Variants in NTM observed in about 807,000 individuals in gnomAD.
The protein encoded by NTM is IgLON family member 2.
A neutral mutation model predicts 42.1 loss-of-function variants in NTM; 13 were observed. The ratio of observed to expected loss-of-function variants is 0.31; its 90% CI spans 0.20 to 0.49. NTM has a LOEUF of 0.49. Ranked by LOEUF, NTM falls within the 20% of genes least tolerant of loss-of-function variation. NTM has a pLI of 0.99. For synonymous variants in NTM, 187 were observed against 179.2 expected, an observed-to-expected ratio of 1.04 and a Z score of -0.35; for missense variants, 373 against 452.8, an observed-to-expected ratio of 0.82 and a Z score of 1.60.
intron 1 of NTM, among the ~76,000 whole-genome samples, chr11:131,772,396 A>C (rs546366914): frequency 6.6e-6 from 1 of 152,306 alleles, no homozygotes; most frequent in South Asian, 2.1e-4. Context: ...GCCTTTAATC[A>C]AAAAGGAGAT....
At chr11:132,314,090 G>GA (rs2095358585) in intron 6 of NTM, among the ~76,000 whole-genome samples, 1 of 152,154 alleles carries the variant, frequency 6.6e-6, no homozygotes, top group African/African-American at 2.4e-5. Flanking sequence ...CCAGGTGCTC[G>GA]AAAAACATTT....
At chr11:131,517,477 T>C (rs1247596355) in intron 1 of NTM, among the ~76,000 whole-genome samples, 1 of 152,050 alleles carries the variant, frequency 6.6e-6, no homozygotes, top group Non-Finnish European at 1.5e-5. Context: ...GGCTGGAAAA[T>C]GGGGGAGTAG....
intron 2 of NTM, among the ~76,000 whole-genome samples, chr11:132,045,201 AT>A (rs2077818674): frequency 6.6e-6 from 1 of 152,172 alleles, no homozygotes; most frequent in Non-Finnish European, 1.5e-5. Context: ...TGCTTTTGTG[AT>A]AAGCAGTTAC....
chr11:132,153,060 C>G (rs943058958), intron 3 of NTM, among the ~76,000 whole-genome samples: 1 of 152,156 alleles, frequency 6.6e-6, no homozygotes. Context: ...AGAAGTCAGG[C>G]AACATCTCTC....
intron 1 of NTM, among the ~76,000 whole-genome samples, chr11:131,799,961 A>T (rs1048951479): frequency 6.6e-6 from 1 of 152,124 alleles, no homozygotes; most frequent in African/African-American, 2.4e-5. Context: ...CCTTGCCTTT[A>T]TTTGAAAATG....
chr11:131,776,398 G>A (rs1044459638), intron 1 of NTM, among the ~76,000 whole-genome samples: 1 of 152,128 alleles, frequency 6.6e-6, no homozygotes, highest in Non-Finnish European at 1.5e-5. Flanking sequence ...TAGCATTCTG[G>A]CTCTTTCCTG....
At chr11:131,591,234 A>G (rs917689236) in intron 1 of NTM, among the ~76,000 whole-genome samples, 1 of 152,222 alleles carries the variant, frequency 6.6e-6, no homozygotes, top group Non-Finnish European at 1.5e-5. Flanking sequence ...CACTCATCGC[A>G]GAACCAGAAG....
chr11:131,633,103 C>T (rs995857900), intron 1 of NTM, among the ~76,000 whole-genome samples: 23 of 152,194 alleles, frequency 1.5e-4, no homozygotes, highest in African/African-American at 5.5e-4. Context: ...GTGGGGGACA[C>T]ATCAGCTGAG....
intron 1 of NTM, among the ~76,000 whole-genome samples, chr11:131,873,708 T>TATAC (rs2048138205): frequency 7.1e-6 from 1 of 140,950 alleles, no homozygotes. Flanking sequence ...TATATATATA[T>TATAC]ACACACACAC....
chr11:131,830,082 C>A (rs139200536), intron 1 of NTM, among the ~76,000 whole-genome samples: 2 of 152,150 alleles, frequency 1.3e-5, no homozygotes, highest in African/African-American at 4.8e-5. Flanking sequence ...CCATATTGAC[C>A]TTTGTTGAAT....
chr11:131,417,101 C>T (rs940193573), intron 1 of NTM, among the ~76,000 whole-genome samples: 1 of 152,196 alleles, frequency 6.6e-6, no homozygotes, highest in Non-Finnish European at 1.5e-5. Context: ...ATCTACTAAA[C>T]TCTCAGATCT....
intron 1 of NTM, among the ~76,000 whole-genome samples, chr11:131,543,565 C>CA (rs1377232501): frequency 6.6e-6 from 1 of 152,194 alleles, no homozygotes; most frequent in Non-Finnish European, 1.5e-5. Context: ...GTCTGGTGAT[C>CA]AAAGACCTTG....
At chr11:132,167,935 A>G (rs1451393475) in intron 3 of NTM, among the ~76,000 whole-genome samples, 3 of 152,234 alleles carry the variant, frequency 2.0e-5, no homozygotes, top group African/African-American at 4.8e-5. Flanking sequence ...TTCCGATGAA[A>G]AACGACTAAC....
At chr11:131,418,150 T>C (rs1330740177) in intron 1 of NTM, among the ~76,000 whole-genome samples, 1 of 152,184 alleles carries the variant, frequency 6.6e-6, no homozygotes, top group African/African-American at 2.4e-5. Flanking sequence ...GCCGGGATGA[T>C]TGTATCCAAT....
intron 1 of NTM, among the ~76,000 whole-genome samples, chr11:131,674,140 G>T (rs1410593492): frequency 6.6e-6 from 1 of 152,254 alleles, no homozygotes; most frequent in Non-Finnish European, 1.5e-5. Context: ...GGGTGCGGGC[G>T]CCCTCGCGTG....
At chr11:132,074,475 G>A (rs551952288) in intron 2 of NTM, among the ~76,000 whole-genome samples, 1 of 151,986 alleles carries the variant, frequency 6.6e-6, no homozygotes, top group South Asian at 2.1e-4. Context: ...AGTTTCTCAG[G>A]AAAAATATAT....
intron 1 of NTM, among the ~76,000 whole-genome samples, chr11:131,493,384 C>A (rs1404709211): frequency 6.6e-6 from 1 of 151,982 alleles, no homozygotes; most frequent in African/African-American, 2.4e-5. Context: ...GCCCCAAGAC[C>A]CATGGAAAAA....
intron 3 of NTM, among the ~76,000 whole-genome samples, chr11:132,177,466 A>G (rs372289686): frequency 2.0e-5 from 3 of 152,240 alleles, no homozygotes; most frequent in Non-Finnish European, 1.5e-5. Context: ...ATTTTGCCAC[A>G]AAGTGGAATA....
At chr11:131,495,418 T>C (rs1165920599) in intron 1 of NTM, among the ~76,000 whole-genome samples, 2 of 152,252 alleles carry the variant, frequency 1.3e-5, no homozygotes, top group East Asian at 3.8e-4. Flanking sequence ...GATTGGGAGC[T>C]GTGGCCCAGG....
Sources: gnomAD v4.1 joint callset for allele counts (sites outside exome capture counted in the v4.1 genomes callset) on GRCh38, gnomAD v4.1.1 for gene constraint, MANE v1.5 for transcripts, NCBI Gene and HGNC (gene_info 2026-07-23, HGNC 2026-07-21) for gene names.